Variants in VPS25 observed in about 807,000 individuals in gnomAD.
VPS25 encodes the protein vacuolar protein sorting 25 homolog, also known as vacuolar protein-sorting-associated protein 25.
In VPS25, 21 loss-of-function variants were observed where a neutral mutation model predicts 30.3. That is an observed-to-expected ratio of 0.69 (90% CI 0.49 to 1.00). The LOEUF (loss-of-function observed/expected upper bound fraction) is 1.00. VPS25 is among the 50% of genes least tolerant of loss of function. The probability of loss-of-function intolerance (pLI) is 0.00; values close to 1 mark genes in which losing one functional copy is unlikely to be tolerated. For missense variants in VPS25, 156 were observed against 217.2 expected, an observed-to-expected ratio of 0.72 and a Z score of 1.77; for synonymous variants, 101 against 88.1, an observed-to-expected ratio of 1.15 and a Z score of -0.82.
intron 5 of VPS25, among the ~76,000 whole-genome samples, chr17:42,778,077 A>G (rs873084): frequency 0.27 from 40,408 of 152,008 alleles, 10,224 homozygotes; most frequent in African/African-American, 0.66. Flanking sequence ...CTGAGCCCCC[A>G]CAGGGGGTGA....
intron 3 of VPS25, chr17:42,774,956 A>G: frequency 2.4e-6 from 1 of 413,232 alleles, no homozygotes; most frequent in Non-Finnish European, 4.3e-6. Flanking sequence ...TAAAATAAAT[A>G]TTGAATCTTT....
intron 2 of VPS25, 187 bp downstream of exon 2, chr17:42,774,065 G>T: frequency 1.5e-6 from 1 of 647,280 alleles, no homozygotes; most frequent in Non-Finnish European, 2.5e-6. Flanking sequence ...ATACCCTCTT[G>T]TTCTTGGCAG....
intron 5 of VPS25, among the ~76,000 whole-genome samples, chr17:42,777,241 G>A (rs1475998751): frequency 6.6e-6 from 1 of 151,724 alleles, no homozygotes; most frequent in Non-Finnish European, 1.5e-5. Context: ...TAGGCCGGGT[G>A]CAGTGGCTCA....
chr17:42,776,250 C>T lies in VPS25; in HGVS notation c.348C>T (p.Ser116=), dbSNP rs1051997463. The change falls in exon 5 of 6, where the codon TCC becomes TCT. Residue 116 remains serine, a synonymous_variant. Coordinates refer to ENST00000253794, the MANE Select transcript of VPS25 (RefSeq NM_032353.4). ...CTCATTTTCTGTATTCACAGGTTTCCAGGAGTGGCCAGAACAACTCCGTCT... is the reference window on the plus strand; with the variant it reads ...CTCATTTTCTGTATTCACAGGTTTCTAGGAGTGGCCAGAACAACTCCGTCT... ...EWGKLIYQWV[S]RSGQNNSVFT... is the part of the protein sequence containing the mutation. The T allele has an allele frequency of 5.0e-6, 8 of 1,613,198 alleles. No homozygotes were observed. Among genetic ancestry groups the T allele is most frequent in the Non-Finnish European group, 6.8e-6 (8 of 1,179,938 alleles).
At chr17:42,775,494 T>C (rs1320738889) in intron 4 of VPS25, 25 bp downstream of exon 4, 3 of 1,582,662 alleles carry the variant, frequency 1.9e-6, no homozygotes, top group African/African-American at 1.3e-5. Flanking sequence ...CTGCCAAGTA[T>C]TCAACAGTGA....
intron 5 of VPS25, among the ~76,000 whole-genome samples, 158 bp from the exon 6 acceptor site, chr17:42,778,799 C>G (rs2054450503): frequency 1.3e-5 from 2 of 152,208 alleles, no homozygotes; most frequent in South Asian, 4.1e-4. Context: ...ACCCCTTACT[C>G]CTAAGGAGTG....
rs2054456253 is a variant in VPS25 at position 42,779,355 on chromosome 17, A to G, written c.*286A>G. ...AGGGTCTGTAAACCTGACACTTTAT[A>G]TGTGTTCACACATGTAAGTACATAC... On this transcript the variant is annotated 3_prime_UTR_variant, in exon 6 of 6. Coordinates refer to ENST00000253794, the MANE Select transcript of VPS25 (RefSeq NM_032353.4). The G allele has an allele frequency of 2.7e-6, 1 of 373,582 alleles. No individual in the cohort carries two copies. The highest frequency in any genetic ancestry group is 2.4e-5 in the South Asian group (1 of 41,708). The allele number at this position is 373,582 out of a possible 1,614,324, so 23.1% of individuals were successfully genotyped here. A position where few individuals can be genotyped will look rare whatever the true frequency, so the allele number is the denominator to read the frequency against.
At chr17:42,773,922 C>A in intron 2 of VPS25, 44 bp downstream of exon 2, 1 of 1,580,804 alleles carries the variant, frequency 6.3e-7, no homozygotes, top group Non-Finnish European at 8.6e-7. Flanking sequence ...ACATGCACTT[C>A]TGCGCTTTCA....
intron 5 of VPS25, among the ~76,000 whole-genome samples, chr17:42,777,601 CA>C (rs2054443391): frequency 6.6e-6 from 1 of 152,134 alleles, no homozygotes; most frequent in Admixed American, 6.5e-5. Flanking sequence ...GAAACAAGGG[CA>C]GGGGATTAAG....
chr17:42,774,395 A>C, intron 2 of VPS25: 1 of 328,162 alleles, frequency 3.0e-6, no homozygotes. Flanking sequence ...TTTTTTGGAG[A>C]CAGGGTCTTC....
intron 4 of VPS25, 101 bp downstream of exon 4, chr17:42,775,570 C>A: frequency 2.2e-6 from 2 of 914,134 alleles, no homozygotes; most frequent in Non-Finnish European, 3.3e-6. Flanking sequence ...CCAGACTGAG[C>A]AAAATGGGGA....
In VPS25 at chr17:42,773,499, G is replaced by T. The variant is rs201907693; in HGVS notation, c.24G>T (p.Pro8=). The change falls in exon 1 of 6, where the codon CCG becomes CCT. Residue 8 remains proline (P), a synonymous_variant. Coordinates refer to ENST00000253794, the MANE Select transcript of VPS25 (RefSeq NM_032353.4). ...CGATGGCGATGAGTTTCGAGTGGCC[G>T]TGGCAGTATCGCTTCCCACCCTTCT... MAMSFEW[P]WQYRFPPFFT... 51 of 1,614,096 alleles carry T rather than the reference G, an allele frequency of 3.2e-5. No individual in the cohort carries two copies. The highest frequency in any genetic ancestry group is 6.7e-5 in the Admixed American group (4 of 60,016).
chr17:42,773,947 C>T, intron 2 of VPS25, 69 bp downstream of exon 2: 1 of 1,520,222 alleles, frequency 6.6e-7, no homozygotes, highest in Non-Finnish European at 8.8e-7. Flanking sequence ...TGCCCAGACG[C>T]CCCCCCGCGC....
intron 2 of VPS25, chr17:42,774,205 A>T (rs1232971781): frequency 7.2e-6 from 2 of 277,934 alleles, no homozygotes; most frequent in Admixed American, 1.0e-4. Context: ...AGACTTGGGT[A>T]ACTACCTTTA....
chr17:42,778,877 T>C (rs2054451183), intron 5 of VPS25, 80 bp from the exon 6 acceptor site: 2 of 1,365,088 alleles, frequency 1.5e-6, no homozygotes, highest in Non-Finnish European at 2.1e-6. Context: ...CTGGGAGGTC[T>C]CGGCTTCCAG....
rs2054454228 is a variant in VPS25, at chr17:42,779,147, A to G, written c.*78A>G. ...AAGGAGACAGACCCAGTGTCCCCCA[A>G]AGACTGGATCTGTGACTCCACCAGA... On this transcript the variant is annotated 3_prime_UTR_variant, in exon 6 of 6. Transcript: ENST00000253794. 1 of 1,341,396 alleles carries G rather than the reference A, an allele frequency of 7.5e-7. No homozygotes were observed. Among genetic ancestry groups the G allele is most frequent in the Non-Finnish European group, 1.0e-6 (1 of 958,582 alleles). 83.1% of individuals were successfully genotyped at this position (1,341,396 alleles called of 1,614,324 possible).
intron 3 of VPS25, 35 bp from the exon 4 acceptor site, chr17:42,775,346 G>T: frequency 1.3e-6 from 2 of 1,581,332 alleles, no homozygotes; most frequent in Non-Finnish European, 8.7e-7. Context: ...GCCACTGCGC[G>T]CCTGGTTATG....
rs2054424073 is a variant in VPS25, at chr17:42,774,051, T to C, written c.199+173T>C. 3.2e-5 allele frequency: 23 copies of C among 714,252 alleles called. No homozygotes were observed. In the South Asian group the frequency reaches 4.5e-4, roughly 14 times the overall value. The allele number at this position is 714,252 out of a possible 1,614,324, so 44.2% of individuals were successfully genotyped here. A position where few individuals can be genotyped will look rare whatever the true frequency, so the allele number is the denominator to read the frequency against. On this transcript the variant is annotated intron_variant, in intron 2 of 5. Transcript: ENST00000253794. ...TGACATTTTCCCCTGGCAAATGCAG[T>C]ACCATACCCTCTTGTTCTTGGCAGT...
At position 42,773,917 on chromosome 17, in the gene VPS25, C is replaced by A. The variant is rs1448806520; in HGVS notation, c.199+39C>A. 2.5e-6 allele frequency: 4 copies of A among 1,582,170 alleles called. No individual in the cohort carries two copies. The African/African-American group carries it at 5.4e-5, about 21-fold the overall frequency. ...GGCTCTTCCACAGCCCATACACATG[C>A]ACTTCTGCGCTTTCACACATGCCCA... On this transcript the variant is annotated intron_variant, in intron 2 of 5. Coordinates refer to ENST00000253794, the MANE Select transcript of VPS25 (RefSeq NM_032353.4).
Sources: allele counts gnomAD v4.1 joint callset (sites outside exome capture counted in the v4.1 genomes callset), GRCh38; gene constraint gnomAD v4.1.1; transcripts MANE v1.5; gene names NCBI Gene and HGNC (gene_info 2026-07-23, HGNC 2026-07-21).